The following MAP2 variants were observed in gnomAD, a reference collection of about 807,000 sequenced individuals.
The protein encoded by MAP2 is microtubule-associated protein 2.
Under a neutral mutation model 137.6 loss-of-function variants are expected in MAP2, and 14 were observed. The ratio of observed to expected loss-of-function variants is 0.10; its 90% CI spans 0.07 to 0.16. MAP2 has a LOEUF of 0.16. Ranked by LOEUF, MAP2 falls within the 10% of genes least tolerant of loss-of-function variation. The pLI, the probability that MAP2 is intolerant of heterozygous loss-of-function variation, is 1.00. For synonymous variants in MAP2, 786 were observed against 782.3 expected (o/e 1.00, Z -0.08); for missense variants, 2,088 against 2,191.5 (o/e 0.95, Z 0.94).
chr2:209,509,412 T>A (rs35997966), intron 2 of MAP2, among the ~76,000 whole-genome samples: 3 of 151,856 alleles, frequency 2.0e-5, no homozygotes, highest in African/African-American at 7.2e-5. Flanking sequence ...CGTGTACATA[T>A]AAATGGAAAC....
At chr2:209,700,220 G>A in intron 10 of MAP2, 57 bp from the exon 11 acceptor site, 1 of 1,416,834 alleles carries the variant, frequency 7.1e-7, no homozygotes, top group East Asian at 2.3e-5. Flanking sequence ...ATTTAAAACT[G>A]CATTTATGAC....
At chr2:209,601,861 C>T (rs1410697432) in intron 3 of MAP2, among the ~76,000 whole-genome samples, 1 of 152,120 alleles carries the variant, frequency 6.6e-6, no homozygotes, top group Non-Finnish European at 1.5e-5. Flanking sequence ...TTTTTAAAGT[C>T]TCACCCTTTG....
chr2:209,558,747 A>G (rs1308462063), intron 2 of MAP2, among the ~76,000 whole-genome samples: 4 of 151,528 alleles, frequency 2.6e-5, no homozygotes, highest in Non-Finnish European at 4.4e-5. Context: ...AGTCTCCTTT[A>G]ATCTAGTAAC....
At chr2:209,688,934 A>C (rs2058012906) in intron 7 of MAP2, among the ~76,000 whole-genome samples, 1 of 152,158 alleles carries the variant, frequency 6.6e-6, no homozygotes, top group Non-Finnish European at 1.5e-5. Context: ...TCTGATAAAG[A>C]AATATAACCC....
intron 4 of MAP2, among the ~76,000 whole-genome samples, chr2:209,625,421 G>A (rs1023196877): frequency 2.0e-5 from 3 of 152,098 alleles, no homozygotes; most frequent in Non-Finnish European, 4.4e-5. Flanking sequence ...CAATGCCAAC[G>A]GTATTTCTTC....
In MAP2 at chr2:209,693,641, A is replaced by G; in HGVS notation, c.1471A>G (p.Thr491Ala). The part of the protein sequence containing the change: ...FSEQKDQEPT[T>A]DMLKQDSFPV... ...AGAACAGAAAGACCAAGAGCCTACC[A>G]CAGATATGTTGAAACAGGACTCGTT... Residue 491 changes from threonine (T) to alanine (A), a missense_variant, in exon 8 of 16, where the codon ACA becomes GCA. Coordinates refer to ENST00000682079, the MANE Select transcript of MAP2 (RefSeq NM_001375505.1). 1 of 1,613,916 alleles carries G rather than the reference A, an allele frequency of 6.2e-7. No homozygotes were observed. The highest frequency in any genetic ancestry group is 8.5e-7 in the Non-Finnish European group (1 of 1,179,984).
intron 1 of MAP2, among the ~76,000 whole-genome samples, chr2:209,425,525 G>T (rs528619478): frequency 6.6e-6 from 1 of 152,292 alleles, no homozygotes. Flanking sequence ...TGGGTGTGAG[G>T]CAAAGGGATT....
At chr2:209,445,287 AT>A (rs1305932018) in intron 1 of MAP2, among the ~76,000 whole-genome samples, 1 of 151,634 alleles carries the variant, frequency 6.6e-6, no homozygotes, top group East Asian at 1.9e-4. Flanking sequence ...GTTCACCTTT[AT>A]TTTTGTAAAC....
chr2:209,628,194 C>T (rs574653159), intron 4 of MAP2, among the ~76,000 whole-genome samples: 6 of 152,100 alleles, frequency 3.9e-5, no homozygotes, highest in South Asian at 2.1e-4. Context: ...GTGAAACCCC[C>T]GTCTCTACTA....
At chr2:209,587,918 A>G (rs2078182484) in intron 3 of MAP2, among the ~76,000 whole-genome samples, 1 of 152,190 alleles carries the variant, frequency 6.6e-6, no homozygotes, top group Non-Finnish European at 1.5e-5. Context: ...TAAAATTGCA[A>G]TGAAGTATCA....
chr2:209,685,609 A>G (rs2056729456), intron 7 of MAP2, among the ~76,000 whole-genome samples: 1 of 152,170 alleles, frequency 6.6e-6, no homozygotes, highest in South Asian at 2.1e-4. Context: ...CTCTTTTTGA[A>G]GTTGCCTTGG....
chr2:209,574,662 G>A (rs1366585981), intron 2 of MAP2, among the ~76,000 whole-genome samples: 3 of 152,162 alleles, frequency 2.0e-5, no homozygotes, highest in Admixed American at 6.5e-5. Flanking sequence ...TAGGTAAAAA[G>A]TAATATAATT....
intron 13 of MAP2, among the ~76,000 whole-genome samples, chr2:209,719,630 G>A (rs1375735090): frequency 6.6e-6 from 1 of 152,086 alleles, no homozygotes; most frequent in African/African-American, 2.4e-5. Flanking sequence ...TTAAATATAT[G>A]CAGAGAGAGA....
At chr2:209,633,895 C>T (rs1194402702) in intron 4 of MAP2, among the ~76,000 whole-genome samples, 2 of 152,138 alleles carry the variant, frequency 1.3e-5, no homozygotes, top group Non-Finnish European at 2.9e-5. Context: ...CTTTGCAGGG[C>T]TTCTGTTTTT....
intron 1 of MAP2, among the ~76,000 whole-genome samples, chr2:209,487,499 G>A (rs992392812): frequency 5.3e-5 from 8 of 152,184 alleles, no homozygotes; most frequent in African/African-American, 1.9e-4. Flanking sequence ...GTTAGACACA[G>A]CTGCCTGCCT....
Position 209,694,385 on chromosome 2 carries a change from A to G in MAP2, c.2215A>G (p.Met739Val), listed in dbSNP as rs758669327. The change falls in exon 8 of 16, where the codon ATG (methionine) becomes GTG (valine). Residue 739 changes from methionine to valine, a missense_variant. Physicochemically the swap from Met to Val is conservative, Grantham distance 21. Around this residue, in one of 6 missense-constraint regions of MAP2, gnomAD observed 500 missense variants for 482.9 expected, o/e 1.04. Coordinates refer to ENST00000682079, the MANE Select transcript of MAP2 (RefSeq NM_001375505.1). ...SDILTNTSGS[M>V]DEGDDYLPAT... The stretch of plus-strand genomic sequence containing the variant: ...TATTCTAACCAACACTAGTGGAAGT[A>G]TGGATGAAGGGGATGATTACCTTCC... 4.3e-6 allele frequency: 7 copies of G among 1,614,086 alleles called. No homozygotes were observed. The Admixed American group carries it at 1.0e-4, about 23-fold the overall frequency.
intron 14 of MAP2, among the ~76,000 whole-genome samples, chr2:209,726,140 CA>C (rs1463558769): frequency 6.6e-6 from 1 of 151,890 alleles, no homozygotes; most frequent in Non-Finnish European, 1.5e-5. Context: ...GTAGCATTTC[CA>C]AGGTTTTTTT....
rs188769678 is a variant in MAP2, at chr2:209,723,188, G to A, written c.5074-2521G>A. On this transcript the variant is annotated intron_variant, in intron 13 of 15. Coordinates refer to ENST00000682079, the MANE Select transcript of MAP2 (RefSeq NM_001375505.1). ...GATGGCTGACTCTGATGGGGCGAGG[G>A]AATGGCATATCCTCTAGGGTCCTGT... Among the ~76,000 whole-genome samples, 223 of 152,286 alleles carry A rather than the reference G, an allele frequency of 1.5e-3. 1 individual carries two copies. Among genetic ancestry groups the A allele is most frequent in the African/African-American group, 5.2e-3 (218 of 41,558 alleles).
At chr2:209,507,781 G>A (rs1023658406) in intron 2 of MAP2, 140 bp downstream of exon 2, 3 of 152,020 alleles carry the variant, frequency 2.0e-5, no homozygotes, top group African/African-American at 4.8e-5. Flanking sequence ...ATATATTTCG[G>A]AGTTGGCCTA....
Sources: gnomAD v4.1 joint callset for allele counts (sites outside exome capture counted in the v4.1 genomes callset) on GRCh38, gnomAD v4.1.1 for gene constraint, gnomAD v4.1.1 regional missense constraint, MANE v1.5 for transcripts, NCBI Gene and HGNC (gene_info 2026-07-23, HGNC 2026-07-21) for gene names.